Variants in ENTREP2 observed in about 807,000 individuals in gnomAD.
The protein encoded by ENTREP2 is protein ENTREP2.
chr15:29,246,202 G>C, the ENTREP2 span, among the ~76,000 whole-genome samples: 1 of 152,078 alleles, frequency 6.6e-6, no homozygotes, highest in African/African-American at 2.4e-5. Flanking sequence ...GACCAGCCTG[G>C]CCAACACGGT....
chr15:29,481,353 A>T, the ENTREP2 span, among the ~76,000 whole-genome samples: 7 of 152,076 alleles, frequency 4.6e-5, no homozygotes, highest in Non-Finnish European at 1.0e-4. Flanking sequence ...AGATGCAGAG[A>T]CTCCTAATGG....
chr15:29,636,034 A>G, the ENTREP2 span, among the ~76,000 whole-genome samples: 5 of 152,292 alleles, frequency 3.3e-5, no homozygotes, highest in Admixed American at 6.5e-5. Context: ...CCAGAGATAC[A>G]GACACAGAAA....
chr15:29,661,343 G>A, the ENTREP2 span, among the ~76,000 whole-genome samples: 7 of 152,082 alleles, frequency 4.6e-5, no homozygotes, highest in Admixed American at 1.3e-4. Context: ...TGGGATTACA[G>A]GTGCACACCA....
chr15:29,459,455 T>C, the ENTREP2 span, among the ~76,000 whole-genome samples: 1 of 152,186 alleles, frequency 6.6e-6, no homozygotes, highest in Admixed American at 6.5e-5. Context: ...ACCATCCTCA[T>C]AGATTATTTC....
chr15:29,543,175 T>G, the ENTREP2 span, among the ~76,000 whole-genome samples: 1 of 152,192 alleles, frequency 6.6e-6, no homozygotes, highest in Admixed American at 6.5e-5. Context: ...ACATGTGATT[T>G]ACAACAGGAG....
chr15:29,487,192 G>A, the ENTREP2 span, among the ~76,000 whole-genome samples: 4 of 152,114 alleles, frequency 2.6e-5, no homozygotes, highest in African/African-American at 7.2e-5. Flanking sequence ...AAGGGAAAAA[G>A]AAATTCAAGC....
chr15:29,379,704 CG>C, the ENTREP2 span, among the ~76,000 whole-genome samples: 1 of 152,114 alleles, frequency 6.6e-6, no homozygotes, highest in Non-Finnish European at 1.5e-5. Context: ...CCTAACTCCT[CG>C]TCAGCTATAA....
chr15:29,227,075 G>A, the ENTREP2 span, among the ~76,000 whole-genome samples: 1 of 152,212 alleles, frequency 6.6e-6, no homozygotes, highest in Non-Finnish European at 1.5e-5. Context: ...CCCCGTGCTG[G>A]ACACTCAGAG....
chr15:29,466,323 G>T, the ENTREP2 span, among the ~76,000 whole-genome samples: 2 of 152,224 alleles, frequency 1.3e-5, no homozygotes, highest in African/African-American at 4.8e-5. Context: ...GAGATGGTCA[G>T]CAGAGAAGCA....
chr15:29,364,698 T>C, the ENTREP2 span, among the ~76,000 whole-genome samples: 1 of 152,220 alleles, frequency 6.6e-6, no homozygotes, highest in African/African-American at 2.4e-5. Context: ...AAACTGAATG[T>C]ATCCTGGTTT....
the ENTREP2 span, among the ~76,000 whole-genome samples, chr15:29,217,244 A>G: frequency 6.6e-6 from 1 of 152,162 alleles, no homozygotes; most frequent in African/African-American, 2.4e-5. Context: ...GTCAGCTTGC[A>G]GAAGTTAAGT....
the ENTREP2 span, among the ~76,000 whole-genome samples, chr15:29,298,055 G>GA: frequency 6.6e-6 from 1 of 152,172 alleles, no homozygotes; most frequent in Admixed American, 6.5e-5. Flanking sequence ...GTTTGAAACA[G>GA]AAAATGTATG....
the ENTREP2 span, among the ~76,000 whole-genome samples, chr15:29,187,798 G>C: frequency 8.5e-5 from 13 of 152,306 alleles, no homozygotes; most frequent in East Asian, 2.5e-3. Context: ...GAGAAATGCC[G>C]GGCAGTGAGG....
chr15:29,132,652 C>T, the ENTREP2 span, among the ~76,000 whole-genome samples: 2 of 152,252 alleles, frequency 1.3e-5, no homozygotes, highest in Non-Finnish European at 2.9e-5. Flanking sequence ...CAGAACCAGC[C>T]AGATCCCTTC....
chr15:29,527,032 T>A, the ENTREP2 span, among the ~76,000 whole-genome samples: 1 of 152,158 alleles, frequency 6.6e-6, no homozygotes, highest in Non-Finnish European at 1.5e-5. Context: ...CTTCTGCTGA[T>A]ATTTTCTGCT....
At chr15:29,626,332 G>A in the ENTREP2 span, among the ~76,000 whole-genome samples, 8 of 152,214 alleles carry the variant, frequency 5.3e-5, no homozygotes, top group South Asian at 1.2e-3. Context: ...TCATGGGGGC[G>A]GTTTCCCCCA....
the ENTREP2 span, among the ~76,000 whole-genome samples, chr15:29,567,219 C>T: frequency 6.6e-6 from 1 of 152,158 alleles, no homozygotes; most frequent in Non-Finnish European, 1.5e-5. Flanking sequence ...TCATCACAGA[C>T]CTCCGGCCAG....
the ENTREP2 span, among the ~76,000 whole-genome samples, chr15:29,460,621 A>G: frequency 1.3e-5 from 2 of 152,196 alleles, no homozygotes; most frequent in Non-Finnish European, 2.9e-5. Flanking sequence ...ACAGAGTGAG[A>G]CTCTGTCTCA....
chr15:29,666,349 A>T, the ENTREP2 span, among the ~76,000 whole-genome samples: 2 of 151,848 alleles, frequency 1.3e-5, no homozygotes, highest in Non-Finnish European at 2.9e-5. Flanking sequence ...TCTCTCACCC[A>T]TCTAACCCAT....
Sources: allele counts gnomAD v4.1 joint callset (sites outside exome capture counted in the v4.1 genomes callset), GRCh38; gene constraint gnomAD v4.1.1; transcripts MANE v1.5; gene names NCBI Gene and HGNC (gene_info 2026-07-23, HGNC 2026-07-21).